Variants in CBY1 observed in about 807,000 individuals in gnomAD.
CBY1 encodes the protein protein chibby homolog 1.
In CBY1, 10 loss-of-function variants were observed where a neutral mutation model predicts 15.6. That is an observed-to-expected ratio of 0.64 (90% CI 0.40 to 1.09). CBY1 has a LOEUF of 1.09. Among genes scored for constraint, CBY1 ranks in the 50% least tolerant of loss-of-function variants. The pLI is 0.01. For missense variants in CBY1, 150 were observed against 160.5 expected (o/e 0.93, Z 0.35); for synonymous variants, 61 against 63.5 (o/e 0.96, Z 0.19).
At position 38,671,420 on chromosome 22, in the gene CBY1, C is replaced by T. The variant is rs2092452308; in HGVS notation, c.303+232C>T. The T allele has an allele frequency of 7.6e-6, 4 of 525,442 alleles. No homozygotes were observed. In the East Asian group the frequency reaches 1.3e-4, roughly 17 times the overall value. The allele number at this position is 525,442 out of a possible 1,614,324, so 32.5% of individuals were successfully genotyped here. On this transcript the variant is annotated intron_variant, in intron 4 of 4. Transcript: ENST00000216029. ...GACCCAGTTGGAGTCTGCACAGGAT[C>T]TGCACAGCACACGAGGGAGAAGTTA...
chr22:38,666,507 G>A (rs145037366), intron 1 of CBY1: 200 of 152,162 alleles, frequency 1.3e-3, no homozygotes, highest in African/African-American at 4.3e-3. Context: ...GTACAGGTTG[G>A]GGGGGTGTTG....
chr22:38,659,658 C>G (rs1041211599), intron 1 of CBY1, among the ~76,000 whole-genome samples: 25 of 152,012 alleles, frequency 1.6e-4, no homozygotes, highest in Admixed American at 1.4e-3. Context: ...GTCAGGAGAT[C>G]GAGACCATCC....
rs143865290 is a variant in CBY1 at position 38,666,233 on chromosome 22, A to ATT, written c.-38-1776_-38-1775dup. Among the ~76,000 whole-genome samples, 799 of 139,278 alleles carry ATT rather than the reference A, an allele frequency of 5.7e-3. 13 individuals carry two copies. The highest frequency in any genetic ancestry group is 0.02 in the African/African-American group (748 of 37,414). The allele number at this position is 139,278 out of a possible 152,430, so 91.4% of individuals were successfully genotyped here. On this transcript the variant is annotated intron_variant, in intron 1 of 4. Transcript: ENST00000216029. The stretch of plus-strand genomic sequence containing the variant: ...CTGTATTAATGTTATATATATATAT[A>ATT]TTTTTTTTTCTTTTTTAACCTTTTT...
At chr22:38,660,721 T>C (rs1228527531) in intron 1 of CBY1, among the ~76,000 whole-genome samples, 1 of 152,002 alleles carries the variant, frequency 6.6e-6, no homozygotes, top group African/African-American at 2.4e-5. Context: ...CCCCAAACCC[T>C]AGCATTTTCA....
chr22:38,668,180 G>A, intron 2 of CBY1, 48 bp downstream of exon 2: 1 of 1,093,866 alleles, frequency 9.1e-7, no homozygotes, highest in Non-Finnish European at 1.4e-6. Context: ...TGAGTTGAGT[G>A]CTGAGCGTGT....
chr22:38,658,469 A>ATT lies in CBY1; in HGVS notation c.-39+1727_-39+1728dup, dbSNP rs11433408. On this transcript the variant is annotated intron_variant, in intron 1 of 4. Transcript: ENST00000216029. ...CACATATATTACTTTATTTTATTTTATTTTTTTTTGAGATGGAGTCTGACT... is the reference window on the plus strand; with the variant it reads ...CACATATATTACTTTATTTTATTTTATTTTTTTTTTTGAGATGGAGTCTGACT... Among the ~76,000 whole-genome samples the ATT allele has an allele frequency of 1.5e-4, 22 of 145,392 alleles. No individual in the cohort carries two copies. In the East Asian group the frequency reaches 2.4e-3, roughly 16 times the overall value.
intron 1 of CBY1, among the ~76,000 whole-genome samples, chr22:38,659,324 A>G (rs1199795911): frequency 1.3e-5 from 2 of 151,830 alleles, no homozygotes; most frequent in African/African-American, 2.4e-5. Context: ...CAGTGGCACA[A>G]TCTCAGCTCA....
At chr22:38,667,074 G>A (rs2092438777) in intron 1 of CBY1, among the ~76,000 whole-genome samples, 1 of 151,674 alleles carries the variant, frequency 6.6e-6, no homozygotes, top group African/African-American at 2.4e-5. Flanking sequence ...GCAGTGGCAT[G>A]ATCATAGCTC....
intron 1 of CBY1, among the ~76,000 whole-genome samples, chr22:38,662,028 G>A (rs1005935918): frequency 1.1e-4 from 17 of 151,906 alleles, no homozygotes; most frequent in South Asian, 4.2e-4. Context: ...TAGGCCAGGC[G>A]TGGTGGCTCA....
intron 1 of CBY1, among the ~76,000 whole-genome samples, chr22:38,660,869 A>T (rs1297546494): frequency 1.3e-5 from 2 of 151,728 alleles, no homozygotes; most frequent in Non-Finnish European, 2.9e-5. Context: ...CCAGAACTTT[A>T]TTCATGGATA....
At chr22:38,670,845 CG>C (rs757908015) in intron 2 of CBY1, 38 bp from the exon 3 acceptor site, 1 of 1,415,652 alleles carries the variant, frequency 7.1e-7, no homozygotes, top group South Asian at 1.1e-5. Context: ...AGGCGTGTTC[CG>C]GGCCTGCTGA....
chr22:38,670,829 G>T, intron 2 of CBY1, 55 bp from the exon 3 acceptor site: 1 of 1,132,378 alleles, frequency 8.8e-7, no homozygotes, highest in Non-Finnish European at 1.3e-6. Flanking sequence ...AGAGGAGCTG[G>T]GATGAAGGCG....
intron 1 of CBY1, among the ~76,000 whole-genome samples, chr22:38,663,940 T>C (rs2092429240): frequency 6.6e-6 from 1 of 151,260 alleles, no homozygotes; most frequent in Non-Finnish European, 1.5e-5. Context: ...GAGAATCTCT[T>C]GAACCTGGGA....
intron 1 of CBY1, among the ~76,000 whole-genome samples, chr22:38,660,839 C>T (rs930182892): frequency 7.2e-5 from 11 of 151,816 alleles, no homozygotes; most frequent in African/African-American, 2.4e-4. Flanking sequence ...TGGGTTCAAG[C>T]GATTCTCCTG....
At chr22:38,660,293 C>T (rs1447775054) in intron 1 of CBY1, among the ~76,000 whole-genome samples, 1 of 151,782 alleles carries the variant, frequency 6.6e-6, no homozygotes, top group African/African-American at 2.4e-5. Flanking sequence ...CTCCCAGGTT[C>T]AAGTGATTCT....
rs577455503 is a variant in CBY1, at chr22:38,665,437, C to T, written c.-38-2580C>T. 66 of 376,554 alleles carry T rather than the reference C, an allele frequency of 1.8e-4. No individual in the cohort carries two copies. The Middle Eastern group carries it at 2.0e-3, about 12-fold the overall frequency. The allele number at this position is 376,554 out of a possible 1,614,324, so 23.3% of individuals were successfully genotyped here. A position where few individuals can be genotyped will look rare whatever the true frequency, so the allele number is the denominator to read the frequency against. ...AGAGATGGTACCACTGCACTCCAACCTGGGGGACCAGAACGAGACCCTGTC... is the reference window on the plus strand; with the variant it reads ...AGAGATGGTACCACTGCACTCCAACTTGGGGGACCAGAACGAGACCCTGTC... On this transcript the variant is annotated intron_variant, in intron 1 of 4. Transcript: ENST00000216029.
Position 38,659,294 on chromosome 22 carries a change from C to G in CBY1, c.-39+2544C>G, listed in dbSNP as rs180860201. Among the ~76,000 whole-genome samples the G allele has an allele frequency of 2.7e-3, 403 of 150,594 alleles. 2 individuals carry two copies. The highest frequency in any genetic ancestry group is 9.5e-3 in the African/African-American group (387 of 40,932). On this transcript the variant is annotated intron_variant, in intron 1 of 4. Coordinates refer to ENST00000216029, the MANE Select transcript of CBY1 (RefSeq NM_015373.4). ...TTTTTTTTTGAGACAGAGTCTTGCT[C>G]CGTCGCCCAGGCTAGAATACAGTGG...
At chr22:38,663,930 G>C (rs569338343) in intron 1 of CBY1, among the ~76,000 whole-genome samples, 1 of 151,646 alleles carries the variant, frequency 6.6e-6, no homozygotes, top group South Asian at 2.1e-4. Context: ...GTTGAGACAG[G>C]AGAATCTCTT....
chr22:38,661,740 T>C (rs982964209), intron 1 of CBY1, among the ~76,000 whole-genome samples: 10 of 152,158 alleles, frequency 6.6e-5, no homozygotes, highest in African/African-American at 1.9e-4. Context: ...TCTCTTTTAA[T>C]GATAATGGAT....
Sources: gnomAD v4.1 joint callset for allele counts (sites outside exome capture counted in the v4.1 genomes callset) on GRCh38, gnomAD v4.1.1 for gene constraint, MANE v1.5 for transcripts, NCBI Gene and HGNC (gene_info 2026-07-23, HGNC 2026-07-21) for gene names.